The following ALK variants were observed in gnomAD, a reference collection of about 807,000 sequenced individuals.
The protein encoded by ALK is ALK tyrosine kinase receptor.
Under a neutral mutation model 163.1 loss-of-function variants are expected in ALK, and 74 were observed. That is an observed-to-expected ratio of 0.45 (90% CI 0.38 to 0.55). The LOEUF is 0.55. ALK is among the 20% of genes least tolerant of loss of function. The pLI, the probability that ALK is intolerant of heterozygous loss-of-function variation, is 0.00. For missense variants in ALK, 2,063 were observed against 2,105.3 expected (o/e 0.98, Z 0.39); for synonymous variants, 960 against 843.2 (o/e 1.14, Z -2.40).
Position 29,200,760 on chromosome 2 carries a change from T to TATGTATATATATAC in ALK, c.3939-3085_3939-3084insGTATATATATACAT, listed in dbSNP as rs1553389059. On this transcript the variant is annotated intron_variant, in intron 26 of 28. Coordinates refer to ENST00000389048, the MANE Select transcript of ALK (RefSeq NM_004304.5). ...ATATACGTATATATATACGTATATA[T>TATGTATATATATAC]GTATATATATACGTATATATATGTA... Among the ~76,000 whole-genome samples the TATGTATATATATAC allele has an allele frequency of 5.7e-5, 6 of 104,966 alleles. No homozygotes were observed. In the East Asian group the frequency reaches 7.5e-4, roughly 13 times the overall value. The allele number at this position is 104,966 out of a possible 152,430, so 68.9% of individuals were successfully genotyped here.
At chr2:29,255,411 A>G (rs1420803341) in intron 11 of ALK, among the ~76,000 whole-genome samples, 1 of 152,160 alleles carries the variant, frequency 6.6e-6, no homozygotes, top group Non-Finnish European at 1.5e-5. Context: ...TGGAGATTCA[A>G]ATTTAGTAGA....
At chr2:29,700,836 C>T (rs994437263) in intron 2 of ALK, among the ~76,000 whole-genome samples, 8 of 152,174 alleles carry the variant, frequency 5.3e-5, no homozygotes, top group African/African-American at 1.7e-4. Context: ...ACCCAGTCTC[C>T]CTTATCAAAA....
chr2:29,869,955 T>C (rs1666535556), intron 1 of ALK, among the ~76,000 whole-genome samples: 1 of 152,184 alleles, frequency 6.6e-6, no homozygotes, highest in African/African-American at 2.4e-5. Flanking sequence ...CTGATGGTTA[T>C]CAAGAATTTC....
intron 1 of ALK, among the ~76,000 whole-genome samples, chr2:29,787,150 T>A (rs1166131781): frequency 1.3e-5 from 2 of 152,164 alleles, no homozygotes; most frequent in Non-Finnish European, 2.9e-5. Flanking sequence ...AAGAAGCCTC[T>A]TGAAGTCCAA....
At chr2:29,777,448 C>G (rs2148348361) in intron 1 of ALK, among the ~76,000 whole-genome samples, 1 of 152,236 alleles carries the variant, frequency 6.6e-6, no homozygotes, top group Admixed American at 6.5e-5. Flanking sequence ...CAGACCTTCT[C>G]TCTACATCCC....
intron 4 of ALK, among the ~76,000 whole-genome samples, chr2:29,506,586 A>T (rs927598713): frequency 6.6e-6 from 1 of 152,100 alleles, no homozygotes; most frequent in African/African-American, 2.4e-5. Flanking sequence ...CTTTACTAAA[A>T]ATACAAAAAA....
intron 3 of ALK, among the ~76,000 whole-genome samples, chr2:29,681,576 A>G (rs945085190): frequency 6.6e-6 from 1 of 152,136 alleles, no homozygotes; most frequent in Non-Finnish European, 1.5e-5. Flanking sequence ...CTGCATATAC[A>G]CAACCGTAGG....
chr2:29,823,969 C>G (rs1248997029), intron 1 of ALK, among the ~76,000 whole-genome samples: 1 of 152,196 alleles, frequency 6.6e-6, no homozygotes, highest in African/African-American at 2.4e-5. Flanking sequence ...ATCACAGGCC[C>G]AGAGGCCTAG....
At chr2:29,320,682 C>T in intron 7 of ALK, 69 bp downstream of exon 7, 1 of 1,608,488 alleles carries the variant, frequency 6.2e-7, no homozygotes, top group Admixed American at 1.7e-5. Flanking sequence ...AAGTCCAGCC[C>T]TGAGTCTCCC....
intron 1 of ALK, among the ~76,000 whole-genome samples, chr2:29,757,244 T>C (rs1369319643): frequency 1.3e-5 from 2 of 152,208 alleles, no homozygotes; most frequent in African/African-American, 2.4e-5. Context: ...ACGGGCATCT[T>C]GGAGCAGGTG....
rs1231708230 is a variant in ALK, at chr2:29,193,916, C to T, written c.4171G>A (p.Asp1391Asn). 1 of 1,614,032 alleles carries T rather than the reference C, an allele frequency of 6.2e-7. No individual in the cohort carries two copies. Among genetic ancestry groups the T allele is most frequent in the African/African-American group, 1.3e-5 (1 of 74,906 alleles). ...ATCGGCAAAGCGGTGTTGATTACAT[C>T]CGGGTCCTGCCGTAGGGGAAATTAT... The part of the protein sequence containing the change: ...ERIEYCTQDP[D>N]VINTALPIEY... Residue 1391 changes from aspartate (D) to asparagine (N), a missense_variant, in exon 29 of 29, where the codon GAT (aspartate) becomes AAT (asparagine). By Grantham distance (23) the Asp-to-Asn change is conservative. Coordinates refer to ENST00000389048, the MANE Select transcript of ALK (RefSeq NM_004304.5).
At chr2:29,364,968 G>T (rs1404690407) in intron 5 of ALK, among the ~76,000 whole-genome samples, 1 of 152,170 alleles carries the variant, frequency 6.6e-6, no homozygotes, top group African/African-American at 2.4e-5. Flanking sequence ...TGTTACATAG[G>T]TTGTCTCACT....
At chr2:29,719,838 A>G (rs1679373702) in intron 1 of ALK, among the ~76,000 whole-genome samples, 1 of 152,224 alleles carries the variant, frequency 6.6e-6, no homozygotes, top group Admixed American at 6.5e-5. Flanking sequence ...CCACGACACA[A>G]TGGCTGAGGT....
intron 1 of ALK, among the ~76,000 whole-genome samples, chr2:29,903,605 G>A (rs1446177550): frequency 6.6e-6 from 1 of 152,102 alleles, no homozygotes; most frequent in Non-Finnish European, 1.5e-5. Flanking sequence ...TCACACAATT[G>A]GCTATAATGA....
chr2:29,904,605 C>T (rs1399657617), intron 1 of ALK, among the ~76,000 whole-genome samples: 2 of 152,116 alleles, frequency 1.3e-5, no homozygotes, highest in African/African-American at 4.8e-5. Context: ...TTAAAATTTA[C>T]CTCATTTACT....
At chr2:29,238,138 C>T (rs1190492659) in intron 13 of ALK, among the ~76,000 whole-genome samples, 1 of 152,200 alleles carries the variant, frequency 6.6e-6, no homozygotes, top group Admixed American at 6.5e-5. Context: ...CTCCCCGCTG[C>T]CCCCATAGAT....
At chr2:29,516,720 A>C (rs180723595) in intron 4 of ALK, among the ~76,000 whole-genome samples, 6 of 152,322 alleles carry the variant, frequency 3.9e-5, no homozygotes, top group Non-Finnish European at 8.8e-5. Flanking sequence ...GGATAATAAT[A>C]TGTTACCTCA....
At chr2:29,885,418 C>A (rs527520397) in intron 1 of ALK, among the ~76,000 whole-genome samples, 1 of 152,128 alleles carries the variant, frequency 6.6e-6, no homozygotes, top group Non-Finnish European at 1.5e-5. Flanking sequence ...ATTGAATATG[C>A]CACTGTTGTT....
intron 3 of ALK, among the ~76,000 whole-genome samples, chr2:29,599,378 C>T (rs1435010551): frequency 6.6e-6 from 1 of 152,000 alleles, no homozygotes; most frequent in African/African-American, 2.4e-5. Context: ...GATGGCAACT[C>T]TCTCACTTCA....
Sources: allele counts gnomAD v4.1 joint callset (sites outside exome capture counted in the v4.1 genomes callset), GRCh38; gene constraint gnomAD v4.1.1; transcripts MANE v1.5; gene names NCBI Gene and HGNC (gene_info 2026-07-23, HGNC 2026-07-21).